DNAJB4: variants seen among roughly 807,000 people sequenced by gnomAD.
DNAJB4 encodes DnaJ heat shock protein family (Hsp40) member B4.
DNAJB4 carries 10 observed loss-of-function variants against 26.6 expected under a neutral mutation model. That is an observed-to-expected ratio of 0.38 (90% CI 0.23 to 0.64). The LOEUF is 0.64. Among genes scored for constraint, DNAJB4 ranks in the 30% least tolerant of loss-of-function variants. DNAJB4 has a pLI of 0.58. For synonymous variants in DNAJB4, 136 were observed against 134.8 expected (o/e 1.01, Z -0.06); for missense variants, 328 against 408.2 (o/e 0.80, Z 1.69).
chr1:77,980,688 A>G (rs1659580611), intron 1 of DNAJB4, among the ~76,000 whole-genome samples: 1 of 152,190 alleles, frequency 6.6e-6, no homozygotes. Flanking sequence ...TGAGAAATAT[A>G]TATATGCTGC....
intron 1 of DNAJB4, among the ~76,000 whole-genome samples, chr1:78,009,770 C>T (rs182878038): frequency 2.0e-4 from 30 of 152,164 alleles, no homozygotes; most frequent in African/African-American, 5.8e-4. Context: ...GGATTACAGG[C>T]GTGCGCCACC....
chr1:78,006,470 T>C (rs1660332409), intron 1 of DNAJB4, among the ~76,000 whole-genome samples: 1 of 152,218 alleles, frequency 6.6e-6, no homozygotes, highest in Non-Finnish European at 1.5e-5. Context: ...ACATCAAATT[T>C]TCCTAATTAG....
At chr1:78,012,913 T>C in intron 1 of DNAJB4, 138 bp from the exon 2 acceptor site, 1 of 634,372 alleles carries the variant, frequency 1.6e-6, no homozygotes, top group East Asian at 2.9e-5. Flanking sequence ...TGTTCTGTAT[T>C]TAGTAAAGTG....
upstream of DNAJB4, chr1:77,979,716 C>G (rs766254194): frequency 5.9e-5 from 9 of 152,204 alleles, no homozygotes; most frequent in Non-Finnish European, 1.2e-4. Context: ...CCTGTTAGTT[C>G]TCGACCATAT....
At position 78,016,060 on chromosome 1, in the gene DNAJB4, A is replaced by T; in HGVS notation, c.827A>T (p.Asn276Ile). Residue 276 changes from asparagine (N) to isoleucine (I), a missense_variant, in exon 3 of 3, where the codon AAC becomes ATC. Transcript: ENST00000370763. The part of the protein sequence containing the change: ...SINVPTLDGR[N>I]IPMSVNDIVK... ...AATGTACCAACACTGGATGGAAGAA[A>T]CATACCTATGTCAGTAAATGATATT... The T allele has an allele frequency of 1.2e-6, 2 of 1,614,096 alleles. No homozygotes were observed. Among genetic ancestry groups the T allele is most frequent in the Non-Finnish European group, 1.7e-6 (2 of 1,180,010 alleles).
At chr1:77,999,249 T>A (rs1199995210) in intron 1 of DNAJB4, among the ~76,000 whole-genome samples, 4 of 152,230 alleles carry the variant, frequency 2.6e-5, no homozygotes, top group Non-Finnish European at 5.9e-5. Context: ...ATGTAAATAT[T>A]GGAACAGTGT....
intron 2 of DNAJB4, 142 bp from the exon 3 acceptor site, chr1:78,015,871 GA>G (rs1476364272): frequency 1.9e-5 from 15 of 792,774 alleles, no homozygotes; most frequent in Non-Finnish European, 2.5e-5. Flanking sequence ...TTCTAATGAG[GA>G]AAAAAAATTT....
In DNAJB4 at chr1:78,005,078, A is replaced by C; in HGVS notation, c.-33A>C. The C allele has an allele frequency of 6.3e-7, 1 of 1,591,864 alleles. No individual in the cohort carries two copies. The highest frequency in any genetic ancestry group is 8.6e-7 in the Non-Finnish European group (1 of 1,168,772). ...CTGGGGACGCTGTTTTCTTTTACAA[A>C]GGGAAATCTAAGTTAATTTCAAGGC... On this transcript the variant is annotated 5_prime_UTR_variant, in exon 1 of 3. Coordinates refer to ENST00000370763, the MANE Select transcript of DNAJB4 (RefSeq NM_007034.5).
chr1:78,015,674 C>T (rs1329229245), intron 2 of DNAJB4, among the ~76,000 whole-genome samples: 4 of 151,460 alleles, frequency 2.6e-5, no homozygotes, highest in East Asian at 1.9e-4. Context: ...CTCAGCTTCC[C>T]GAGTAGCTGG....
intron 1 of DNAJB4, among the ~76,000 whole-genome samples, chr1:78,007,536 G>A (rs1049163451): frequency 2.0e-5 from 3 of 152,080 alleles, no homozygotes; most frequent in African/African-American, 7.2e-5. Context: ...AGCCGAGATC[G>A]AGCCACTGCA....
Position 77,988,046 on chromosome 1 carries a change from G to T in DNAJB4, c.-32+7724G>T, listed in dbSNP as rs1283160263. Among the ~76,000 whole-genome samples, 3 of 115,558 alleles carry T rather than the reference G, an allele frequency of 2.6e-5. 1 individual carries two copies. Among genetic ancestry groups the T allele is most frequent in the African/African-American group, 1.0e-4 (3 of 28,742 alleles). 75.8% of individuals were successfully genotyped at this position (115,558 alleles called of 152,430 possible). A position where few individuals can be genotyped will look rare whatever the true frequency, so the allele number is the denominator to read the frequency against. ...GTGTGTGTATTTCCCCCCCCCCCCA[G>T]ACAGTGTCTCACTTGGTCACTCAGG... On this transcript the variant is annotated intron_variant, in intron 1 of 2. Coordinates refer to the DNAJB4 transcript ENST00000426517.
chr1:78,015,447 C>T (rs1408990097), intron 2 of DNAJB4, among the ~76,000 whole-genome samples: 25 of 69,922 alleles, frequency 3.6e-4, no homozygotes, highest in Non-Finnish European at 5.3e-4. Context: ...TTCTTTTCTT[C>T]TTCTTTTTTT....
chr1:78,010,804 T>C (rs995854362), intron 1 of DNAJB4, among the ~76,000 whole-genome samples: 3 of 152,302 alleles, frequency 2.0e-5, no homozygotes, highest in Middle Eastern at 3.4e-3. Flanking sequence ...GATTATATTT[T>C]ACATTGTTTT....
At chr1:77,993,108 A>G (rs1219358783) in intron 1 of DNAJB4, among the ~76,000 whole-genome samples, 1 of 152,118 alleles carries the variant, frequency 6.6e-6, no homozygotes, top group East Asian at 1.9e-4. Context: ...TGCTTTATTT[A>G]GACTTTGCTC....
chr1:77,980,347 G>GTA (rs1659539102), intron 1 of DNAJB4: 1 of 148,630 alleles, frequency 6.7e-6, no homozygotes, highest in South Asian at 2.1e-4. Flanking sequence ...ATATGTGTGT[G>GTA]TGTGTGTGTG....
chr1:78,011,735 C>T (rs1303297961), intron 1 of DNAJB4, among the ~76,000 whole-genome samples: 1 of 151,908 alleles, frequency 6.6e-6, no homozygotes, highest in Non-Finnish European at 1.5e-5. Flanking sequence ...CCACCCGACT[C>T]GGCCTCCCAA....
chr1:78,004,795 T>G (rs1354428816), upstream of DNAJB4: 1 of 285,362 alleles, frequency 3.5e-6, no homozygotes, highest in African/African-American at 2.2e-5. Flanking sequence ...AGCTCAGTAC[T>G]TTGACTAGAG....
In DNAJB4 at chr1:78,016,912, T is replaced by G. The variant is rs980464823; in HGVS notation, c.*665T>G. On this transcript the variant is annotated 3_prime_UTR_variant, in exon 3 of 3. Coordinates refer to ENST00000370763, the MANE Select transcript of DNAJB4 (RefSeq NM_007034.5). ...TGCTTGAATTACTGATATTTTAGAA[T>G]AGACTTTTTAAAATGCCATATGTAA... 1 of 152,168 alleles carries G rather than the reference T, an allele frequency of 6.6e-6. No individual in the cohort carries two copies. 9.4% of individuals were successfully genotyped at this position (152,168 alleles called of 1,614,324 possible). A position where few individuals can be genotyped will look rare whatever the true frequency, so the allele number is the denominator to read the frequency against.
Position 78,016,074 on chromosome 1 carries a change from G to A in DNAJB4, c.841G>A (p.Val281Ile). 2 of 1,614,074 alleles carry A rather than the reference G, an allele frequency of 1.2e-6. No homozygotes were observed. The highest frequency in any genetic ancestry group is 1.7e-6 in the Non-Finnish European group (2 of 1,180,016). ...GGATGGAAGAAACATACCTATGTCA[G>A]TAAATGATATTGTGAAACCCGGAAT... is the stretch of plus-strand genomic sequence containing the variant. Reference protein sequence around the residue: ...TLDGRNIPMSVNDIVKPGMRR... With the variant: ...TLDGRNIPMSINDIVKPGMRR... The change falls in exon 3 of 3, where the codon GTA becomes ATA. Residue 281 changes from valine (V) to isoleucine (I), a missense_variant. Val to Ile is a conservative substitution (Grantham distance 29). Coordinates refer to ENST00000370763, the MANE Select transcript of DNAJB4 (RefSeq NM_007034.5).
Sources: allele counts gnomAD v4.1 joint callset (sites outside exome capture counted in the v4.1 genomes callset), GRCh38; gene constraint gnomAD v4.1.1; transcripts MANE v1.5; gene names NCBI Gene and HGNC (gene_info 2026-07-23, HGNC 2026-07-21).